The following ASIC2 variants were observed in gnomAD, a reference collection of about 807,000 sequenced individuals.
ASIC2 encodes acid sensing ion channel subunit 2, also known as acid-sensing ion channel 2.
Under a neutral mutation model 57.3 loss-of-function variants are expected in ASIC2, and 25 were observed. The ratio of observed to expected loss-of-function variants is 0.44; its 90% confidence interval spans 0.32 to 0.61. ASIC2 has a LOEUF of 0.61. Among genes scored for constraint, ASIC2 ranks in the 20% least tolerant of loss-of-function variants. ASIC2 has a pLI of 0.06. For synonymous variants in ASIC2, 319 were observed against 307.5 expected (o/e 1.04, Z -0.39); for missense variants, 641 against 738.1 (o/e 0.87, Z 1.52).
At chr17:33,151,997 C>A (rs1904820521) in intron 1 of ASIC2, among the ~76,000 whole-genome samples, 1 of 152,078 alleles carries the variant, frequency 6.6e-6, no homozygotes, top group Non-Finnish European at 1.5e-5. Flanking sequence ...TGTGAAATGC[C>A]TTTTGTTGCA....
At chr17:33,262,186 A>G (rs904490249) in intron 1 of ASIC2, among the ~76,000 whole-genome samples, 15 of 152,188 alleles carry the variant, frequency 9.9e-5, no homozygotes, top group African/African-American at 3.6e-4. Context: ...CTGTCCCTGG[A>G]AACAGGCTTA....
chr17:33,424,044 C>T (rs1432349257), intron 1 of ASIC2, among the ~76,000 whole-genome samples: 1 of 152,230 alleles, frequency 6.6e-6, no homozygotes, highest in Non-Finnish European at 1.5e-5. Flanking sequence ...TGCCACTCCC[C>T]TTCTACCCCA....
At chr17:33,831,298 T>C (rs1913102178) in intron 1 of ASIC2, among the ~76,000 whole-genome samples, 1 of 151,988 alleles carries the variant, frequency 6.6e-6, no homozygotes, top group Non-Finnish European at 1.5e-5. Context: ...GGATTTTATT[T>C]CCCCAGACAT....
Position 33,640,066 on chromosome 17 carries a change from C to T in ASIC2, c.555+515912G>A, listed in dbSNP as rs76740321. On this transcript the variant is annotated intron_variant, in intron 1 of 9. Coordinates refer to the ASIC2 transcript ENST00000359872. ...GGAGGAGGATTTCTGATCGCTGTGTCGGATCCTGGCCTCTTTCTTGAGGAT... is the reference window on the plus strand; with the variant it reads ...GGAGGAGGATTTCTGATCGCTGTGTTGGATCCTGGCCTCTTTCTTGAGGAT... Among the ~76,000 whole-genome samples, 1,436 of 152,188 alleles carry T rather than the reference C, an allele frequency of 9.4e-3. 9 individuals are homozygous for T. Among genetic ancestry groups the T allele is most frequent in the Non-Finnish European group, 0.015 (1,036 of 68,014 alleles).
chr17:34,155,399 G>A (rs1049039545), intron 1 of ASIC2, among the ~76,000 whole-genome samples: 5 of 152,028 alleles, frequency 3.3e-5, no homozygotes, highest in African/African-American at 1.2e-4. Context: ...TTCACACAAG[G>A]AAAGGAAGCA....
chr17:34,075,298 T>C (rs916323564), intron 1 of ASIC2, among the ~76,000 whole-genome samples: 1 of 152,114 alleles, frequency 6.6e-6, no homozygotes, highest in Non-Finnish European at 1.5e-5. Context: ...ACGCAGATCA[T>C]AGAAAAAGCC....
intron 2 of ASIC2, among the ~76,000 whole-genome samples, chr17:33,095,318 C>A (rs879795119): frequency 7.2e-5 from 11 of 152,322 alleles, no homozygotes; most frequent in Non-Finnish European, 1.5e-4. Context: ...ACCTCCTCGA[C>A]ATTTTCCCTC....
intron 1 of ASIC2, chr17:34,039,922 C>A: frequency 6.7e-7 from 1 of 1,503,280 alleles, no homozygotes; most frequent in Non-Finnish European, 9.2e-7. Context: ...CCTGGAGGGA[C>A]CCCGACCCGA....
intron 1 of ASIC2, among the ~76,000 whole-genome samples, chr17:33,447,642 G>A (rs1453428503): frequency 6.6e-6 from 1 of 152,100 alleles, no homozygotes; most frequent in Non-Finnish European, 1.5e-5. Flanking sequence ...TCTTTTAGTT[G>A]AAAATTACAG....
At chr17:33,690,106 A>T (rs1406158384) in intron 1 of ASIC2, among the ~76,000 whole-genome samples, 1 of 152,258 alleles carries the variant, frequency 6.6e-6, no homozygotes, top group Non-Finnish European at 1.5e-5. Context: ...CCACAAACTC[A>T]CAATGATAAG....
chr17:33,434,958 A>C (rs1293576934), intron 1 of ASIC2, among the ~76,000 whole-genome samples: 3 of 152,142 alleles, frequency 2.0e-5, no homozygotes, highest in Non-Finnish European at 4.4e-5. Context: ...TGTCTTTCTG[A>C]GACTGTTGAG....
chr17:34,155,153 A>C (rs916018188), intron 1 of ASIC2, among the ~76,000 whole-genome samples: 1 of 151,706 alleles, frequency 6.6e-6, no homozygotes, highest in Admixed American at 6.6e-5. Context: ...CCACGTCGTT[A>C]AGTGATTATA....
intron 1 of ASIC2, among the ~76,000 whole-genome samples, chr17:33,923,589 T>C (rs371738682): frequency 2.0e-5 from 3 of 152,148 alleles, no homozygotes; most frequent in African/African-American, 7.2e-5. Flanking sequence ...CAATTATTTA[T>C]AGGGAAAATG....
intron 1 of ASIC2, among the ~76,000 whole-genome samples, chr17:33,669,501 T>C (rs1907580384): frequency 6.6e-6 from 1 of 152,184 alleles, no homozygotes; most frequent in African/African-American, 2.4e-5. Flanking sequence ...ATTCCTCATT[T>C]CCTTCACCTT....
chr17:34,107,523 A>G (rs955092438), intron 1 of ASIC2, among the ~76,000 whole-genome samples: 67 of 152,128 alleles, frequency 4.4e-4, no homozygotes, highest in African/African-American at 1.6e-3. Flanking sequence ...AGAACAAAGC[A>G]AAACAAAACC....
intron 1 of ASIC2, among the ~76,000 whole-genome samples, chr17:33,685,751 T>C (rs1191400630): frequency 6.6e-6 from 1 of 152,176 alleles, no homozygotes; most frequent in Non-Finnish European, 1.5e-5. Flanking sequence ...CTCAAACCTC[T>C]AGATGGCAGA....
rs971094686 is a variant in ASIC2 at position 33,180,727 on chromosome 17, C to T, written c.709-68660G>A. 3.3e-5 allele frequency among the ~76,000 whole-genome samples: 5 copies of T among 152,306 alleles called. No homozygotes were observed. In the South Asian group the frequency reaches 6.2e-4, roughly 19 times the overall value. ...TGGGGACCCTCTGACATCTAGAGAT[C>T]GTGCTTCCTGATGCTTCCTATTGAC... On this transcript the variant is annotated intron_variant, in intron 1 of 9. Coordinates refer to ENST00000225823, the MANE Select transcript of ASIC2 (RefSeq NM_183377.2).
intron 1 of ASIC2, among the ~76,000 whole-genome samples, chr17:33,264,305 T>C (rs1170191553): frequency 2.6e-5 from 4 of 152,216 alleles, no homozygotes; most frequent in African/African-American, 9.6e-5. Flanking sequence ...CTCAGAGCCA[T>C]GAATCAAGCA....
At chr17:33,733,553 C>T (rs781019518) in intron 1 of ASIC2, among the ~76,000 whole-genome samples, 1 of 152,170 alleles carries the variant, frequency 6.6e-6, no homozygotes, top group Non-Finnish European at 1.5e-5. Context: ...GAGTTTCTTA[C>T]CTCCCTGGCA....
Sources: allele counts gnomAD v4.1 joint callset (sites outside exome capture counted in the v4.1 genomes callset), GRCh38; gene constraint gnomAD v4.1.1; transcripts MANE v1.5; gene names NCBI Gene and HGNC (gene_info 2026-07-23, HGNC 2026-07-21).